Variants in NTM observed in about 807,000 individuals in gnomAD.
The protein encoded by NTM is IgLON family member 2.
A neutral mutation model predicts 42.1 loss-of-function variants in NTM; 13 were observed. The observed-to-expected ratio is 0.31, with a 90% CI of 0.20 to 0.49. The LOEUF (loss-of-function observed/expected upper bound fraction) is 0.49, where lower values mean the gene tolerates loss of function less well. Among genes scored for constraint, NTM ranks in the 20% least tolerant of loss-of-function variants. NTM has a pLI of 0.99. For missense variants in NTM, 373 were observed against 452.8 expected, an observed-to-expected ratio of 0.82 and a Z score of 1.60; for synonymous variants, 187 against 179.2, an observed-to-expected ratio of 1.04 and a Z score of -0.35.
At chr11:132,120,017 A>G (rs1396965652) in intron 2 of NTM, among the ~76,000 whole-genome samples, 1 of 152,204 alleles carries the variant, frequency 6.6e-6, no homozygotes, top group Non-Finnish European at 1.5e-5. Flanking sequence ...ATCTCAGAAG[A>G]ATGCGATTCT....
chr11:132,290,659 C>G (rs2094426837), intron 4 of NTM, among the ~76,000 whole-genome samples: 2 of 152,164 alleles, frequency 1.3e-5, no homozygotes, highest in South Asian at 4.1e-4. Flanking sequence ...GAAATACTAT[C>G]TCTCTTTAAT....
intron 7 of NTM, among the ~76,000 whole-genome samples, chr11:132,317,461 T>A (rs2095459589): frequency 6.6e-6 from 1 of 152,090 alleles, no homozygotes; most frequent in African/African-American, 2.4e-5. Context: ...TATGGAAACA[T>A]AAAGCATGTC....
intron 1 of NTM, among the ~76,000 whole-genome samples, chr11:131,820,769 A>T (rs1309864701): frequency 6.6e-6 from 1 of 152,194 alleles, no homozygotes; most frequent in African/African-American, 2.4e-5. Flanking sequence ...GTTTCGTGAC[A>T]TTTTTTCACT....
At chr11:131,527,705 TACA>T (rs2050699285) in intron 1 of NTM, among the ~76,000 whole-genome samples, 1 of 152,204 alleles carries the variant, frequency 6.6e-6, no homozygotes, top group Non-Finnish European at 1.5e-5. Context: ...TCATGATGCT[TACA>T]ACGTTATGGG....
intron 2 of NTM, among the ~76,000 whole-genome samples, chr11:132,009,754 C>T (rs183019633): frequency 2.5e-4 from 38 of 152,270 alleles, no homozygotes; most frequent in African/African-American, 8.4e-4. Flanking sequence ...TGTCATGAGA[C>T]GTGATGGGTT....
Position 132,187,016 on chromosome 11 carries a change from ATC to A in NTM, c.401-25004_401-25003del, listed in dbSNP as rs561006896. 3.7e-3 allele frequency among the ~76,000 whole-genome samples: 558 copies of A among 152,322 alleles called. 7 individuals carry two copies. The highest frequency in any genetic ancestry group is 0.013 in the African/African-American group (527 of 41,580). On this transcript the variant is annotated intron_variant, in intron 3 of 8. Transcript: ENST00000683400. Reference sequence around the variant, plus strand: ...CCGTGTCTAGGAGAACATTGTCTACATCTGAGTGCCAGGATCCACATCTGTTC... The same window carrying A: ...CCGTGTCTAGGAGAACATTGTCTACATGAGTGCCAGGATCCACATCTGTTC...
At chr11:132,246,647 GGAA>G (rs1485686936) in intron 4 of NTM, among the ~76,000 whole-genome samples, 3 of 152,232 alleles carry the variant, frequency 2.0e-5, no homozygotes, top group South Asian at 2.1e-4. Context: ...TGAGTTGAGA[GGAA>G]GAAGCTGAAA....
intron 1 of NTM, among the ~76,000 whole-genome samples, chr11:131,554,572 A>T (rs2055146718): frequency 6.6e-6 from 1 of 151,666 alleles, no homozygotes; most frequent in South Asian, 2.1e-4. Flanking sequence ...TCATGGGTAC[A>T]AGGAATGATA....
intron 2 of NTM, among the ~76,000 whole-genome samples, chr11:132,142,822 G>A (rs944904175): frequency 2.0e-5 from 3 of 152,182 alleles, no homozygotes; most frequent in South Asian, 2.1e-4. Context: ...ATCTGCAGAC[G>A]AACCTCTCTG....
intron 3 of NTM, among the ~76,000 whole-genome samples, chr11:132,198,748 C>T (rs766805072): frequency 2.0e-5 from 3 of 152,168 alleles, no homozygotes; most frequent in Non-Finnish European, 4.4e-5. Flanking sequence ...TGATATTTAT[C>T]AAGCATAATT....
intron 1 of NTM, among the ~76,000 whole-genome samples, chr11:131,722,856 C>A (rs948105065): frequency 6.6e-6 from 1 of 152,132 alleles, no homozygotes; most frequent in Non-Finnish European, 1.5e-5. Flanking sequence ...ACAGAGTGAC[C>A]CAGAAACATT....
intron 2 of NTM, among the ~76,000 whole-genome samples, chr11:132,142,520 G>T (rs1279703102): frequency 6.6e-6 from 1 of 152,152 alleles, no homozygotes; most frequent in African/African-American, 2.4e-5. Flanking sequence ...GGAGCGATGT[G>T]TCCTCTGCAT....
intron 2 of NTM, among the ~76,000 whole-genome samples, chr11:131,986,629 C>T (rs2066111238): frequency 6.6e-6 from 1 of 152,176 alleles, no homozygotes; most frequent in Admixed American, 6.5e-5. Flanking sequence ...CTATCTTATA[C>T]TCCTATTTTA....
At chr11:132,308,614 C>T (rs976440885) in intron 5 of NTM, among the ~76,000 whole-genome samples, 4 of 151,998 alleles carry the variant, frequency 2.6e-5, no homozygotes, top group South Asian at 2.1e-4. Flanking sequence ...ATAACTAAAT[C>T]GGCAAACGAG....
intron 1 of NTM, among the ~76,000 whole-genome samples, chr11:131,729,033 TAAGA>T (rs2079303183): frequency 6.6e-6 from 1 of 152,194 alleles, no homozygotes; most frequent in African/African-American, 2.4e-5. Flanking sequence ...TGTGTAATGA[TAAGA>T]AAGAACTATT....
At chr11:131,658,744 C>T (rs987102532) in intron 1 of NTM, among the ~76,000 whole-genome samples, 11 of 152,066 alleles carry the variant, frequency 7.2e-5, no homozygotes, top group African/African-American at 1.9e-4. Flanking sequence ...CCGAGGTGGG[C>T]GGATCACCAG....
At chr11:131,472,799 CAGCT>C (rs1189843956) in intron 1 of NTM, among the ~76,000 whole-genome samples, 3 of 152,082 alleles carry the variant, frequency 2.0e-5, no homozygotes, top group African/African-American at 7.2e-5. Context: ...CTGAAAGACA[CAGCT>C]AGTAAGAGGT....
chr11:131,871,060 G>A (rs1219140880), intron 1 of NTM, among the ~76,000 whole-genome samples: 2 of 152,192 alleles, frequency 1.3e-5, no homozygotes, highest in Non-Finnish European at 2.9e-5. Flanking sequence ...ACATTTTTAT[G>A]AGACTGTAGC....
intron 1 of NTM, among the ~76,000 whole-genome samples, chr11:131,875,831 A>G (rs1419062876): frequency 2.0e-5 from 3 of 152,088 alleles, no homozygotes; most frequent in African/African-American, 7.2e-5. Flanking sequence ...TCCTTTGTTT[A>G]TTCTCGATTA....
Sources: allele counts gnomAD v4.1 joint callset (sites outside exome capture counted in the v4.1 genomes callset), GRCh38; gene constraint gnomAD v4.1.1; transcripts MANE v1.5; gene names NCBI Gene and HGNC (gene_info 2026-07-23, HGNC 2026-07-21).